Variants in MACROD2 observed in about 807,000 individuals in gnomAD.
The protein encoded by MACROD2 is mono-ADP ribosylhydrolase 2.
In MACROD2, 36 loss-of-function variants were observed where a neutral mutation model predicts 70.4. The ratio of observed to expected loss-of-function variants is 0.51; its 90% CI spans 0.39 to 0.68. The LOEUF is 0.68. MACROD2 is among the 30% of genes least tolerant of loss of function. The pLI is 0.00. For missense variants in MACROD2, 496 were observed against 538.4 expected, an observed-to-expected ratio of 0.92 and a Z score of 0.78; for synonymous variants, 172 against 178.8, an observed-to-expected ratio of 0.96 and a Z score of 0.30.
rs114518134 is a variant in MACROD2, at chr20:15,490,755, G to A, written c.572-9019G>A. 6.1e-3 allele frequency among the ~76,000 whole-genome samples: 922 copies of A among 152,268 alleles called. 12 individuals are homozygous for A. The highest frequency in any genetic ancestry group is 0.021 in the African/African-American group (884 of 41,560). On this transcript the variant is annotated intron_variant, in intron 7 of 17. Transcript: ENST00000684519. ...TCTGGGAGCCAAAGAAACAGGTAGT[G>A]AGGATGTGGGGGTTGAAAGGAAGCA... is the stretch of plus-strand genomic sequence containing the variant.
chr20:15,318,798 T>C (rs2077842090), intron 6 of MACROD2, among the ~76,000 whole-genome samples: 1 of 151,982 alleles, frequency 6.6e-6, no homozygotes, highest in African/African-American at 2.4e-5. Context: ...AAACTAGAAA[T>C]GGGAGAAACT....
intron 5 of MACROD2, among the ~76,000 whole-genome samples, chr20:14,960,195 T>C (rs1161907436): frequency 6.6e-6 from 1 of 152,176 alleles, no homozygotes; most frequent in Admixed American, 6.5e-5. Context: ...TTGGCTCTTC[T>C]CCACACCCTT....
At chr20:15,923,068 G>A (rs2065435083) in intron 10 of MACROD2, among the ~76,000 whole-genome samples, 2 of 152,268 alleles carry the variant, frequency 1.3e-5, no homozygotes, top group African/African-American at 4.8e-5. Flanking sequence ...GTAATAAAGT[G>A]GGCGTTCATA....
At chr20:15,591,011 AAGAAAGAAAG>A (rs879431176) in intron 8 of MACROD2, among the ~76,000 whole-genome samples, 24 of 152,172 alleles carry the variant, frequency 1.6e-4, no homozygotes, top group Admixed American at 1.5e-3. Flanking sequence ...GAGAGAGAAA[AAGAAAGAAAG>A]AGAAAGAAAG....
intron 5 of MACROD2, among the ~76,000 whole-genome samples, chr20:15,214,592 A>G (rs915284064): frequency 1.3e-5 from 2 of 152,146 alleles, no homozygotes; most frequent in Non-Finnish European, 2.9e-5. Context: ...AAATAACAAA[A>G]CATATTTGAT....
At chr20:14,279,912 AC>A (rs1013705595) in intron 3 of MACROD2, among the ~76,000 whole-genome samples, 7 of 152,284 alleles carry the variant, frequency 4.6e-5, no homozygotes, top group Admixed American at 3.9e-4. Flanking sequence ...ATCAGGAATA[AC>A]TGTGTGACCT....
intron 3 of MACROD2, among the ~76,000 whole-genome samples, chr20:14,193,330 T>G (rs1019114980): frequency 1.6e-4 from 24 of 152,188 alleles, no homozygotes; most frequent in African/African-American, 5.8e-4. Flanking sequence ...TAACTGAAAA[T>G]TAGCTGCTTT....
At chr20:14,027,715 C>G (rs545006942) in intron 2 of MACROD2, among the ~76,000 whole-genome samples, 1 of 152,176 alleles carries the variant, frequency 6.6e-6, no homozygotes, top group Non-Finnish European at 1.5e-5. Context: ...ACTGCACACC[C>G]GGTTTGCCTG....
At chr20:14,521,377 CTAA>C (rs2123177568) in intron 4 of MACROD2, among the ~76,000 whole-genome samples, 1 of 152,292 alleles carries the variant, frequency 6.6e-6, no homozygotes, top group Non-Finnish European at 1.5e-5. Flanking sequence ...GATTAAGCTG[CTAA>C]TAATAACTAA....
chr20:15,016,639 A>G (rs1438777071), intron 5 of MACROD2, among the ~76,000 whole-genome samples: 1 of 151,938 alleles, frequency 6.6e-6, no homozygotes, highest in African/African-American at 2.4e-5. Flanking sequence ...CATGTGTATT[A>G]GTTTGTTTTC....
chr20:15,268,167 G>A (rs984305777), intron 6 of MACROD2, among the ~76,000 whole-genome samples: 2 of 152,098 alleles, frequency 1.3e-5, no homozygotes, highest in African/African-American at 4.8e-5. Context: ...AGAGAGGGGA[G>A]AGTTTTAGTT....
chr20:14,513,257 T>G (rs1167021101), intron 4 of MACROD2, among the ~76,000 whole-genome samples: 1 of 152,154 alleles, frequency 6.6e-6, no homozygotes, highest in East Asian at 1.9e-4. Flanking sequence ...TCTCAGTTAC[T>G]GTATGAAACC....
chr20:14,733,047 C>CT (rs1006015266), intron 5 of MACROD2, among the ~76,000 whole-genome samples: 2 of 152,118 alleles, frequency 1.3e-5, no homozygotes, highest in African/African-American at 4.8e-5. Context: ...ATTACCCAAG[C>CT]TTTCAGGGGA....
At chr20:15,021,494 A>G (rs918703193) in intron 5 of MACROD2, 1 of 150,692 alleles carries the variant, frequency 6.6e-6, no homozygotes, top group Non-Finnish European at 1.5e-5. Flanking sequence ...GCACACATAT[A>G]TGTATACATA....
intron 8 of MACROD2, among the ~76,000 whole-genome samples, chr20:15,754,633 GA>G (rs1396739172): frequency 9.6e-4 from 67 of 69,462 alleles, no homozygotes; most frequent in Admixed American, 1.5e-3. Context: ...CTCTAAAAAA[GA>G]AAAAAAAAAA....
chr20:14,681,973 A>G (rs1052638751), intron 4 of MACROD2, among the ~76,000 whole-genome samples: 1 of 152,140 alleles, frequency 6.6e-6, no homozygotes, highest in African/African-American at 2.4e-5. Context: ...TTACCTTATA[A>G]GGTTGTCCTT....
intron 6 of MACROD2, among the ~76,000 whole-genome samples, chr20:15,237,024 C>T (rs746169969): frequency 6.6e-6 from 1 of 152,080 alleles, no homozygotes; most frequent in Non-Finnish European, 1.5e-5. Context: ...TAGGGAGTGC[C>T]ACAAGCATTT....
intron 5 of MACROD2, among the ~76,000 whole-genome samples, chr20:14,898,630 T>C (rs776610910): frequency 1.4e-4 from 22 of 152,148 alleles, no homozygotes; most frequent in Non-Finnish European, 3.1e-4. Context: ...GGCTATAGTC[T>C]GGGTAGGGCA....
intron 6 of MACROD2, among the ~76,000 whole-genome samples, chr20:15,409,854 C>T (rs1239850324): frequency 6.6e-6 from 1 of 152,138 alleles, no homozygotes; most frequent in Non-Finnish European, 1.5e-5. Flanking sequence ...TACATGGGAA[C>T]AGTGAGCTTT....
Sources: gnomAD v4.1 joint callset for allele counts (sites outside exome capture counted in the v4.1 genomes callset) on GRCh38, gnomAD v4.1.1 for gene constraint, MANE v1.5 for transcripts, NCBI Gene and HGNC (gene_info 2026-07-23, HGNC 2026-07-21) for gene names.